Variants in TBC1D22A observed in about 807,000 individuals in gnomAD.
TBC1D22A encodes TBC1 domain family member 22A.
TBC1D22A carries 38 observed loss-of-function variants against 60.2 expected under a neutral mutation model. The ratio of observed to expected loss-of-function variants is 0.63; its 90% CI spans 0.49 to 0.83. The LOEUF (loss-of-function observed/expected upper bound fraction) is 0.83. Among genes scored for constraint, TBC1D22A ranks in the 40% least tolerant of loss-of-function variants. The probability of loss-of-function intolerance (pLI) is 0.00; values close to 1 mark genes in which losing one functional copy is unlikely to be tolerated. For synonymous variants in TBC1D22A, 302 were observed against 281.7 expected (o/e 1.07, Z -0.72); for missense variants, 628 against 701.0 (o/e 0.90, Z 1.18).
At chr22:47,099,799 A>C (rs534189926) in intron 11 of TBC1D22A, among the ~76,000 whole-genome samples, 48 of 152,262 alleles carry the variant, frequency 3.2e-4, no homozygotes, top group African/African-American at 1.1e-3. Context: ...CAGGTCTCAC[A>C]TGGCCCATTC....
intron 4 of TBC1D22A, among the ~76,000 whole-genome samples, chr22:46,841,077 A>T (rs377623972): frequency 0.01 from 1,063 of 105,412 alleles, 11 homozygotes; most frequent in African/African-American, 0.031. Flanking sequence ...TGTGTGTGAG[A>T]GAGAGAGAGA....
At chr22:46,962,873 A>G (rs1046500369) in intron 8 of TBC1D22A, among the ~76,000 whole-genome samples, 2 of 152,138 alleles carry the variant, frequency 1.3e-5, no homozygotes, top group Non-Finnish European at 2.9e-5. Context: ...CTCTTTATTT[A>G]GTATTGTGAG....
intron 11 of TBC1D22A, among the ~76,000 whole-genome samples, chr22:47,104,789 C>T (rs894379511): frequency 4.6e-5 from 7 of 152,056 alleles, no homozygotes; most frequent in Admixed American, 2.0e-4. Flanking sequence ...TTGGTCTCCA[C>T]AGTCTTTTAT....
chr22:46,853,357 A>G (rs2087388748), intron 4 of TBC1D22A, among the ~76,000 whole-genome samples: 1 of 152,224 alleles, frequency 6.6e-6, no homozygotes, highest in Non-Finnish European at 1.5e-5. Context: ...CGCCTCCTTC[A>G]GGATGTTCTA....
At chr22:46,941,038 G>A (rs970680898) in intron 8 of TBC1D22A, among the ~76,000 whole-genome samples, 1 of 141,824 alleles carries the variant, frequency 7.1e-6, no homozygotes, top group Non-Finnish European at 1.5e-5. Flanking sequence ...TGGAGGCTGG[G>A]GCACTAGCAC....
intron 4 of TBC1D22A, among the ~76,000 whole-genome samples, chr22:46,820,071 G>C (rs1163258833): frequency 6.6e-6 from 1 of 152,076 alleles, no homozygotes; most frequent in Non-Finnish European, 1.5e-5. Context: ...TTTCTGTGGG[G>C]TCAGTGGTGA....
chr22:46,882,264 C>T (rs956628701), intron 5 of TBC1D22A, among the ~76,000 whole-genome samples: 3 of 152,164 alleles, frequency 2.0e-5, no homozygotes, highest in Non-Finnish European at 4.4e-5. Context: ...GCCTACCCTG[C>T]GGCTAGGCAG....
intron 12 of TBC1D22A, among the ~76,000 whole-genome samples, chr22:47,165,575 C>T (rs1478970224): frequency 6.6e-6 from 1 of 152,110 alleles, no homozygotes; most frequent in Non-Finnish European, 1.5e-5. Flanking sequence ...CGCCCCACTG[C>T]CCCCGACAGT....
At chr22:46,771,872 G>A (rs1222755306) in intron 1 of TBC1D22A, among the ~76,000 whole-genome samples, 1 of 152,044 alleles carries the variant, frequency 6.6e-6, no homozygotes, top group African/African-American at 2.4e-5. Context: ...TGAGATTACA[G>A]GCGTGAACCA....
intron 11 of TBC1D22A, among the ~76,000 whole-genome samples, chr22:47,045,192 G>A (rs917460202): frequency 4.6e-5 from 7 of 152,244 alleles, no homozygotes; most frequent in Admixed American, 6.5e-5. Context: ...GAAAAGTTAC[G>A]TGGTGAGGAT....
chr22:47,059,683 C>T (rs1465106054), intron 11 of TBC1D22A, among the ~76,000 whole-genome samples: 3 of 152,324 alleles, frequency 2.0e-5, no homozygotes, highest in East Asian at 3.9e-4. Flanking sequence ...CTCTCTCTGT[C>T]ATGAGCTAAT....
intron 1 of TBC1D22A, among the ~76,000 whole-genome samples, chr22:46,772,655 T>A (rs998145508): frequency 6.9e-6 from 1 of 144,706 alleles, no homozygotes; most frequent in Non-Finnish European, 1.5e-5. Context: ...TTTTTTTTTT[T>A]TTTTTTTTTG....
chr22:47,017,760 G>T (rs1351436317), intron 10 of TBC1D22A, among the ~76,000 whole-genome samples: 1 of 152,218 alleles, frequency 6.6e-6, no homozygotes, highest in Admixed American at 6.5e-5. Context: ...TCAGAATGGG[G>T]TAAGGGGCCT....
intron 10 of TBC1D22A, among the ~76,000 whole-genome samples, chr22:47,019,931 C>T (rs892640699): frequency 4.6e-5 from 7 of 150,652 alleles, no homozygotes; most frequent in African/African-American, 1.7e-4. Context: ...CTCCCTTAAC[C>T]CTCCATCATG....
chr22:46,787,490 A>C lies in TBC1D22A; in HGVS notation c.63-5030A>C, dbSNP rs150274690. Among the ~76,000 whole-genome samples, 800 of 152,278 alleles carry C rather than the reference A, an allele frequency of 5.3e-3. 5 individuals are homozygous for C. In the Middle Eastern group the frequency reaches 0.065, roughly 12 times the overall value. On this transcript the variant is annotated intron_variant, in intron 1 of 12. Transcript: ENST00000337137. ...TTTCCATGTAACATTTCTTTTGAAA[A>C]GTTGGTTTACTGCTAAAGTACTGGC...
intron 4 of TBC1D22A, among the ~76,000 whole-genome samples, chr22:46,872,145 A>G (rs2067317838): frequency 6.6e-6 from 1 of 152,204 alleles, no homozygotes; most frequent in Admixed American, 6.5e-5. Flanking sequence ...AAAAAATTAA[A>G]TTTGTTATAC....
rs111954309 is a variant in TBC1D22A, at chr22:47,075,386, C to G, written c.1330-36122C>G. Among the ~76,000 whole-genome samples, 807 of 152,124 alleles carry G rather than the reference C, an allele frequency of 5.3e-3. 11 individuals carry two copies. Among genetic ancestry groups the G allele is most frequent in the African/African-American group, 0.019 (769 of 41,520 alleles). On this transcript the variant is annotated intron_variant, in intron 11 of 12. Transcript: ENST00000337137. ...ACTCCCAGAGATGCTGATAGAGCAT[C>G]AAAAACAGACTTTCAGCCAGGTGAG... is the stretch of plus-strand genomic sequence containing the variant.
chr22:47,171,954 C>T (rs963494403), intron 12 of TBC1D22A, among the ~76,000 whole-genome samples: 3 of 152,100 alleles, frequency 2.0e-5, no homozygotes, highest in Non-Finnish European at 2.9e-5. Context: ...GAGGAGCCCA[C>T]CCAGCACTCC....
At chr22:46,826,575 G>A (rs771768358) in intron 4 of TBC1D22A, among the ~76,000 whole-genome samples, 4 of 152,112 alleles carry the variant, frequency 2.6e-5, no homozygotes, top group Non-Finnish European at 2.9e-5. Flanking sequence ...AGGGCTTTTC[G>A]TGTCCTGGTG....
Sources: gnomAD v4.1 joint callset for allele counts (sites outside exome capture counted in the v4.1 genomes callset) on GRCh38, gnomAD v4.1.1 for gene constraint, MANE v1.5 for transcripts, NCBI Gene and HGNC (gene_info 2026-07-23, HGNC 2026-07-21) for gene names.